PLD5: variants seen among roughly 807,000 people sequenced by gnomAD.
PLD5 encodes the protein phospholipase D family member 5.
Under a neutral mutation model 61.1 loss-of-function variants are expected in PLD5, and 36 were observed. The ratio of observed to expected loss-of-function variants is 0.59; its 90% CI spans 0.45 to 0.78. The LOEUF (loss-of-function observed/expected upper bound fraction) is 0.78. Among genes scored for constraint, PLD5 ranks in the 30% least tolerant of loss-of-function variants. The probability of loss-of-function intolerance (pLI) is 0.00; values close to 1 mark genes in which losing one functional copy is unlikely to be tolerated. For synonymous variants in PLD5, 243 were observed against 242.8 expected, an observed-to-expected ratio of 1.00 and a Z score of -0.01; for missense variants, 515 against 644.4, an observed-to-expected ratio of 0.80 and a Z score of 2.17.
chr1:242,526,617 G>A (rs1323495177), upstream of PLD5, among the ~76,000 whole-genome samples: 3 of 152,116 alleles, frequency 2.0e-5, no homozygotes, highest in Admixed American at 1.3e-4. Context: ...TGTACTTTTA[G>A]TGGAGACGGG....
chr1:242,345,462 G>A, intron 2 of PLD5: 2 of 632,008 alleles, frequency 3.2e-6, no homozygotes, highest in South Asian at 1.7e-5. Flanking sequence ...CAAGGCTAGA[G>A]TATTGGGAAG....
Position 242,113,920 on chromosome 1 carries a change from T to C in PLD5, c.1040A>G (p.Tyr347Cys), listed in dbSNP as rs749390325. 1 of 1,613,540 alleles carries C rather than the reference T, an allele frequency of 6.2e-7. No individual in the cohort carries two copies. The change falls in exon 7 of 10, where the codon TAC (tyrosine) becomes TGC (cysteine). Residue 347 changes from tyrosine to cysteine, a missense_variant. By Grantham distance (194) the Tyr-to-Cys change is radical (BLOSUM62 -2). Around this residue, in one of 2 missense-constraint regions of PLD5, gnomAD observed 450 missense variants for 598.1 expected, o/e 0.75. Coordinates refer to ENST00000536534, the MANE Select transcript of PLD5 (RefSeq NM_001372062.1). The stretch of plus-strand genomic sequence containing the variant: ...GGTGCTTGTGCTGGAGATAGGCAGG[T>C]AGTCCATGACAGCGATGTACACATA... ...KQYVYIAVMD[Y>C]LPISSTSTKR...
At chr1:242,118,174 A>C (rs1386546137) in intron 6 of PLD5, among the ~76,000 whole-genome samples, 9 of 152,160 alleles carry the variant, frequency 5.9e-5, no homozygotes. Flanking sequence ...AGACTCCAGC[A>C]CTTAGAACCT....
chr1:242,200,184 G>A (rs964068422), intron 5 of PLD5, among the ~76,000 whole-genome samples: 15 of 152,198 alleles, frequency 9.9e-5, no homozygotes, highest in African/African-American at 3.4e-4. Context: ...AGCTTGCTGC[G>A]AGGCACGAGG....
At chr1:242,409,457 A>G (rs1035083609) in intron 1 of PLD5, among the ~76,000 whole-genome samples, 2 of 131,328 alleles carry the variant, frequency 1.5e-5, no homozygotes, top group African/African-American at 2.5e-5. Context: ...TGGTGCAAGC[A>G]GAAGCTGAAA....
At chr1:242,411,452 G>T (rs915657660) in intron 1 of PLD5, among the ~76,000 whole-genome samples, 1 of 152,020 alleles carries the variant, frequency 6.6e-6, no homozygotes, top group Non-Finnish European at 1.5e-5. Context: ...AGCCAGGGTG[G>T]TCTCGATCTC....
intron 1 of PLD5, among the ~76,000 whole-genome samples, chr1:242,424,903 G>T (rs947548206): frequency 6.6e-6 from 1 of 152,122 alleles, no homozygotes; most frequent in Non-Finnish European, 1.5e-5. Flanking sequence ...AGGTCAAGAC[G>T]GGTAGATCAC....
chr1:242,191,522 G>T (rs1448232152), intron 5 of PLD5, among the ~76,000 whole-genome samples: 1 of 150,962 alleles, frequency 6.6e-6, no homozygotes, highest in Non-Finnish European at 1.5e-5. Flanking sequence ...GGACGGGGAA[G>T]TTGCAGTGAG....
intron 5 of PLD5, among the ~76,000 whole-genome samples, chr1:242,152,472 A>G (rs1244792375): frequency 6.6e-6 from 1 of 152,244 alleles, no homozygotes; most frequent in Non-Finnish European, 1.5e-5. Context: ...TGACACCTAC[A>G]TTAGGTATTT....
chr1:242,222,969 T>C (rs1670695154), intron 4 of PLD5, among the ~76,000 whole-genome samples: 3 of 152,192 alleles, frequency 2.0e-5, no homozygotes, highest in Admixed American at 6.5e-5. Context: ...CTGATTCAAA[T>C]TCAGGCATAC....
rs139465969 is a variant in PLD5, at chr1:242,091,883, G to A, written c.1355-1773C>T. Among the ~76,000 whole-genome samples the A allele has an allele frequency of 1.4e-3, 205 of 147,506 alleles. 1 individual carries two copies. Among genetic ancestry groups the A allele is most frequent in the African/African-American group, 4.9e-3 (197 of 39,886 alleles). ...TGCTCTGTCGCCCAGGCTGGAATGC[G>A]GTGGTACAATCTTGGCTCACTGCAA... is the stretch of plus-strand genomic sequence containing the variant. On this transcript the variant is annotated intron_variant, in intron 9 of 9. Coordinates refer to ENST00000536534, the MANE Select transcript of PLD5 (RefSeq NM_001372062.1).
chr1:242,468,058 A>C (rs941623756), intron 1 of PLD5, among the ~76,000 whole-genome samples: 1 of 152,232 alleles, frequency 6.6e-6, no homozygotes, highest in African/African-American at 2.4e-5. Flanking sequence ...CAAAAGTTGG[A>C]GTGCCAAGAG....
chr1:242,473,716 T>C (rs1020221127), intron 1 of PLD5, among the ~76,000 whole-genome samples: 1 of 152,224 alleles, frequency 6.6e-6, no homozygotes, highest in Non-Finnish European at 1.5e-5. Context: ...AGAATGTCTG[T>C]CATCTTCCTG....
intron 2 of PLD5, among the ~76,000 whole-genome samples, chr1:242,316,689 T>G (rs1044825901): frequency 2.0e-5 from 3 of 152,212 alleles, no homozygotes; most frequent in African/African-American, 7.2e-5. Flanking sequence ...TGGGGATTTA[T>G]AGTGAAGACT....
intron 2 of PLD5, among the ~76,000 whole-genome samples, chr1:242,299,485 G>A (rs897417743): frequency 2.6e-5 from 4 of 152,260 alleles, no homozygotes; most frequent in Non-Finnish European, 4.4e-5. Flanking sequence ...CACACAGCTA[G>A]TGAGTGATGA....
chr1:242,125,506 C>A (rs911677163), intron 5 of PLD5, among the ~76,000 whole-genome samples: 2 of 152,164 alleles, frequency 1.3e-5, no homozygotes, highest in African/African-American at 4.8e-5. Flanking sequence ...AGGAACATAG[C>A]TATACTGGCT....
chr1:242,526,714 T>A (rs560763151), upstream of PLD5, among the ~76,000 whole-genome samples: 9 of 152,158 alleles, frequency 5.9e-5, no homozygotes, highest in Non-Finnish European at 1.3e-4. Flanking sequence ...ACGATCTGAT[T>A]TTTTTATTAT....
At chr1:242,371,301 G>T (rs745944910) in intron 1 of PLD5, among the ~76,000 whole-genome samples, 2 of 152,092 alleles carry the variant, frequency 1.3e-5, no homozygotes, top group South Asian at 4.2e-4. Flanking sequence ...TAACTTTGCC[G>T]TCAGTACAGA....
chr1:242,424,517 C>T (rs1261134412), intron 1 of PLD5, among the ~76,000 whole-genome samples: 2 of 151,806 alleles, frequency 1.3e-5, no homozygotes, highest in Non-Finnish European at 2.9e-5. Context: ...TTTTCCCAAA[C>T]TTATTCCAAA....
Sources: allele counts gnomAD v4.1 joint callset (sites outside exome capture counted in the v4.1 genomes callset), GRCh38; gene constraint gnomAD v4.1.1; regional missense constraint gnomAD v4.1.1; transcripts MANE v1.5; gene names NCBI Gene and HGNC (gene_info 2026-07-23, HGNC 2026-07-21).